COLEC11: variants seen among roughly 807,000 people sequenced by gnomAD.
The protein encoded by COLEC11 is collectin-11.
COLEC11 carries 20 observed loss-of-function variants against 27.3 expected under a neutral mutation model. The ratio of observed to expected loss-of-function variants is 0.73; its 90% CI spans 0.51 to 1.06. The LOEUF is 1.06. Among genes scored for constraint, COLEC11 ranks in the 50% least tolerant of loss-of-function variants. The pLI is 0.00. For synonymous variants in COLEC11, 163 were observed against 154.7 expected (o/e 1.05, Z -0.40); for missense variants, 310 against 383.0 (o/e 0.81, Z 1.59).
chr2:3,610,571 G>C (rs1056223990), intron 2 of COLEC11, among the ~76,000 whole-genome samples: 7 of 152,162 alleles, frequency 4.6e-5, no homozygotes, highest in African/African-American at 1.2e-4. Flanking sequence ...TGGGTGGTCA[G>C]GTTATCCCCA....
chr2:3,617,423 G>A, intron 3 of COLEC11: 1 of 1,038,928 alleles, frequency 9.6e-7, no homozygotes, highest in Non-Finnish European at 1.5e-6. Context: ...ATGTGAAAGG[G>A]GCAGCACAGT....
chr2:3,642,690 C>G (rs1665958532), intron 5 of COLEC11, among the ~76,000 whole-genome samples: 1 of 152,240 alleles, frequency 6.6e-6, no homozygotes, highest in South Asian at 2.1e-4. Context: ...CATCATCCAG[C>G]TGGGACAGCC....
chr2:3,603,616 CTT>C (rs2147852788), intron 1 of COLEC11: 1 of 1,550,868 alleles, frequency 6.4e-7, no homozygotes, highest in African/African-American at 1.4e-5. Flanking sequence ...TGCGCCTGGT[CTT>C]GTTTTCCAAG....
chr2:3,597,101 G>A (rs1572373131), intron 1 of COLEC11, among the ~76,000 whole-genome samples: 2 of 152,278 alleles, frequency 1.3e-5, no homozygotes, highest in Admixed American at 6.5e-5. Flanking sequence ...GGGCTGTTCC[G>A]GGGATCAGTG....
At chr2:3,638,998 C>T (rs968818454) in intron 4 of COLEC11, among the ~76,000 whole-genome samples, 1 of 152,214 alleles carries the variant, frequency 6.6e-6, no homozygotes, top group African/African-American at 2.4e-5. Context: ...CGGTAACCTC[C>T]AATCTACTTC....
Position 3,631,343 on chromosome 2 carries a change from G to T in COLEC11, c.203-6190G>T, listed in dbSNP as rs373045879. 5.9e-5 allele frequency among the ~76,000 whole-genome samples: 9 copies of T among 152,372 alleles called. No homozygotes were observed. The East Asian group carries it at 1.5e-3, about 26-fold the overall frequency. On this transcript the variant is annotated intron_variant, in intron 3 of 6. Transcript: ENST00000349077. ...GAAGGTCATGGCAACAGGTTTTTTG[G>T]ATGCTCAAGGCATTTTGCTTGTTCT...
chr2:3,626,899 G>T (rs7599917), intron 3 of COLEC11, among the ~76,000 whole-genome samples: 124,975 of 152,146 alleles, frequency 0.82, 51,461 homozygotes, highest in East Asian at 0.89. Context: ...GGCGCAGATG[G>T]GCTGGGAACC....
At chr2:3,615,186 G>A (rs1031256911) in intron 3 of COLEC11, among the ~76,000 whole-genome samples, 1 of 151,884 alleles carries the variant, frequency 6.6e-6, no homozygotes. Flanking sequence ...ATTTCTCGCA[G>A]AGGGGGATTT....
chr2:3,643,538 T>C lies in COLEC11; in HGVS notation c.423T>C (p.Asn141=). ...CCAGCGAGCTCAAGTTCATCAAGAA[T>C]GGTATGTGGCTCCCGGCGCCGCCCT... ...QLTSELKFIK[N]AVAGVRETES... is the part of the protein sequence containing the mutation. The change falls in exon 6 of 7, where the codon AAT becomes AAC. Residue 141 remains asparagine (N), a splice_region_variant and synonymous_variant. Coordinates refer to ENST00000349077, the MANE Select transcript of COLEC11 (RefSeq NM_024027.5). The C allele has an allele frequency of 1.9e-6, 3 of 1,613,338 alleles. No individual in the cohort carries two copies. The highest frequency in any genetic ancestry group is 1.1e-5 in the South Asian group (1 of 91,076).
chr2:3,609,837 A>T (rs764252233), intron 2 of COLEC11, among the ~76,000 whole-genome samples: 11 of 151,192 alleles, frequency 7.3e-5, no homozygotes, highest in Admixed American at 1.3e-4. Flanking sequence ...ACCCCTGCTA[A>T]TTTTTTTGTA....
intron 2 of COLEC11, among the ~76,000 whole-genome samples, chr2:3,609,976 A>C (rs1279339792): frequency 4.6e-5 from 7 of 152,254 alleles, no homozygotes; most frequent in African/African-American, 1.7e-4. Flanking sequence ...CCAGTTTTTA[A>C]AAATCAGATT....
chr2:3,614,845 A>T (rs1663529463), intron 3 of COLEC11, among the ~76,000 whole-genome samples: 1 of 152,208 alleles, frequency 6.6e-6, no homozygotes, highest in Non-Finnish European at 1.5e-5. Context: ...ATAAAAACAA[A>T]ATCCAAAATT....
chr2:3,604,288 T>C (rs1222365112), intron 1 of COLEC11, 27 bp from the exon 2 acceptor site: 1 of 1,613,268 alleles, frequency 6.2e-7, no homozygotes, highest in East Asian at 2.2e-5. Flanking sequence ...GCAGTTCCCA[T>C]CACTGTTTAT....
At chr2:3,641,966 G>A (rs902207801) in intron 5 of COLEC11, among the ~76,000 whole-genome samples, 3 of 152,200 alleles carry the variant, frequency 2.0e-5, no homozygotes, top group Non-Finnish European at 2.9e-5. Flanking sequence ...GCTGGGCCAC[G>A]GGGAGCCCCG....
At chr2:3,600,251 A>AG (rs1662126604) in intron 1 of COLEC11, among the ~76,000 whole-genome samples, 1 of 148,362 alleles carries the variant, frequency 6.7e-6, no homozygotes, top group Admixed American at 6.9e-5. Context: ...AAAAAAAAAA[A>AG]GCAAAACTCA....
intron 3 of COLEC11, among the ~76,000 whole-genome samples, chr2:3,618,504 T>G (rs1293851864): frequency 1.3e-5 from 2 of 152,248 alleles, no homozygotes; most frequent in Admixed American, 6.5e-5. Context: ...TTTCTGTGCT[T>G]TCTTCTCTGC....
chr2:3,595,600 G>C (rs1661790912), intron 1 of COLEC11, among the ~76,000 whole-genome samples: 1 of 152,224 alleles, frequency 6.6e-6, no homozygotes, highest in South Asian at 2.1e-4. Context: ...CTGCCCCCAG[G>C]GACCAGTGGC....
chr2:3,631,249 TA>T (rs965848055), intron 3 of COLEC11, among the ~76,000 whole-genome samples: 3 of 150,712 alleles, frequency 2.0e-5, no homozygotes, highest in African/African-American at 2.4e-5. Flanking sequence ...AAGAAAAAAT[TA>T]AAAAAAAAGA....
chr2:3,615,877 G>A (rs1349907138), intron 3 of COLEC11, among the ~76,000 whole-genome samples: 1 of 131,428 alleles, frequency 7.6e-6, no homozygotes, highest in Non-Finnish European at 1.6e-5. Flanking sequence ...CCTCCCGGAC[G>A]CGGCGGCTGG....
Sources: allele counts gnomAD v4.1 joint callset (sites outside exome capture counted in the v4.1 genomes callset), GRCh38; gene constraint gnomAD v4.1.1; transcripts MANE v1.5; gene names NCBI Gene and HGNC (gene_info 2026-07-23, HGNC 2026-07-21).